MED13L: variants seen among roughly 807,000 people sequenced by gnomAD.
The protein encoded by MED13L is mediator complex subunit 13L.
A neutral mutation model predicts 220.9 loss-of-function variants in MED13L; 7 were observed. The ratio of observed to expected loss-of-function variants is 0.03; its 90% CI spans 0.02 to 0.06. MED13L has a LOEUF of 0.06. Ranked by LOEUF, MED13L falls within the 10% of genes least tolerant of loss-of-function variation. The pLI is 1.00. For missense variants in MED13L, 1,965 were observed against 2,760.5 expected, an observed-to-expected ratio of 0.71 and a Z score of 6.46; for synonymous variants, 1,011 against 1,015.2, an observed-to-expected ratio of 1.00 and a Z score of 0.08.
intron 2 of MED13L, among the ~76,000 whole-genome samples, chr12:116,133,869 G>C (rs1436075227): frequency 6.6e-6 from 1 of 152,156 alleles, no homozygotes; most frequent in Non-Finnish European, 1.5e-5. Context: ...GCCACATGTA[G>C]TTCTTCTGGC....
intron 4 of MED13L, among the ~76,000 whole-genome samples, chr12:116,079,254 G>A (rs929443199): frequency 5.3e-5 from 8 of 151,928 alleles, no homozygotes; most frequent in African/African-American, 9.7e-5. Flanking sequence ...AGATGGTCTC[G>A]CTCTGTCACC....
At chr12:116,270,602 A>C (rs1873221229) in intron 1 of MED13L, among the ~76,000 whole-genome samples, 1 of 152,226 alleles carries the variant, frequency 6.6e-6, no homozygotes, top group Non-Finnish European at 1.5e-5. Flanking sequence ...CATGCAAATG[A>C]GTCTGAATTT....
chr12:116,088,638 A>G (rs567849985), intron 4 of MED13L, among the ~76,000 whole-genome samples: 2 of 152,188 alleles, frequency 1.3e-5, no homozygotes, highest in East Asian at 1.9e-4. Context: ...GAAGTAAAGA[A>G]ATTTCAGCTT....
intron 16 of MED13L, among the ~76,000 whole-genome samples, chr12:115,992,338 C>G (rs954900725): frequency 2.6e-5 from 4 of 152,054 alleles, no homozygotes; most frequent in African/African-American, 9.7e-5. Context: ...AGTGCAGACA[C>G]TAAATTAGCT....
At chr12:116,200,087 A>T (rs988035763) in intron 2 of MED13L, among the ~76,000 whole-genome samples, 1 of 152,048 alleles carries the variant, frequency 6.6e-6, no homozygotes. Flanking sequence ...TTCAAAAAAA[A>T]AAAAAAAAGG....
chr12:116,069,705 T>C (rs1386824106), intron 4 of MED13L, among the ~76,000 whole-genome samples: 4 of 152,216 alleles, frequency 2.6e-5, no homozygotes, highest in East Asian at 1.9e-4. Flanking sequence ...CCAAAACTTT[T>C]TGAGCACCAA....
At chr12:116,114,411 G>A (rs1874347755) in intron 2 of MED13L, among the ~76,000 whole-genome samples, 1 of 152,178 alleles carries the variant, frequency 6.6e-6, no homozygotes, top group South Asian at 2.1e-4. Flanking sequence ...TTGCTGTATA[G>A]CTGACACAAT....
chr12:116,062,306 C>T (rs540042109), intron 4 of MED13L, among the ~76,000 whole-genome samples: 1 of 151,804 alleles, frequency 6.6e-6, no homozygotes, highest in Admixed American at 6.6e-5. Context: ...GCATGAATCA[C>T]CAAGACCAGC....
chr12:116,221,752 A>G (rs1032212459), intron 2 of MED13L, among the ~76,000 whole-genome samples: 19 of 152,194 alleles, frequency 1.2e-4, no homozygotes, highest in African/African-American at 4.1e-4. Flanking sequence ...TGCTTATTCT[A>G]TGTGATACTA....
chr12:116,048,715 T>G (rs1194082213), intron 4 of MED13L, among the ~76,000 whole-genome samples: 1 of 152,154 alleles, frequency 6.6e-6, no homozygotes, highest in Non-Finnish European at 1.5e-5. Flanking sequence ...AAAAATTGAC[T>G]AAGAAGTTAT....
intron 25 of MED13L, among the ~76,000 whole-genome samples, chr12:115,973,518 A>C (rs1876727867): frequency 6.6e-6 from 1 of 152,234 alleles, no homozygotes; most frequent in Non-Finnish European, 1.5e-5. Context: ...CCTTACAAAA[A>C]TCATACAAAG....
chr12:116,105,984 C>T (rs2137869719), intron 3 of MED13L, among the ~76,000 whole-genome samples: 1 of 152,346 alleles, frequency 6.6e-6, no homozygotes, highest in East Asian at 1.9e-4. Context: ...TCTGCCACTG[C>T]TCTGTGCTCT....
At chr12:116,113,608 A>T (rs1874268225) in intron 2 of MED13L, among the ~76,000 whole-genome samples, 1 of 150,100 alleles carries the variant, frequency 6.7e-6, no homozygotes, top group Non-Finnish European at 1.5e-5. Context: ...GCAAGCCATG[A>T]TCATGCCACC....
At chr12:116,240,485 C>A (rs1482698016) in intron 1 of MED13L, among the ~76,000 whole-genome samples, 2 of 150,634 alleles carry the variant, frequency 1.3e-5, no homozygotes, top group African/African-American at 4.9e-5. Flanking sequence ...AAGAAGGAAA[C>A]AAAAATAAAA....
chr12:116,119,364 C>G (rs1399734746), intron 2 of MED13L, among the ~76,000 whole-genome samples: 1 of 152,122 alleles, frequency 6.6e-6, no homozygotes, highest in Non-Finnish European at 1.5e-5. Flanking sequence ...GGTACCACAG[C>G]ATCTAGTGCT....
chr12:116,059,770 A>T (rs935784133), intron 4 of MED13L, among the ~76,000 whole-genome samples: 3 of 152,092 alleles, frequency 2.0e-5, no homozygotes, highest in African/African-American at 7.2e-5. Context: ...ATATATTTTT[A>T]AATACATATG....
intron 2 of MED13L, among the ~76,000 whole-genome samples, chr12:116,221,701 G>C (rs1165100159): frequency 6.6e-6 from 1 of 152,124 alleles, no homozygotes; most frequent in African/African-American, 2.4e-5. Context: ...ATATCATGCA[G>C]CATGAATCTG....
At chr12:116,057,241 C>T (rs1387556451) in intron 4 of MED13L, among the ~76,000 whole-genome samples, 2 of 152,088 alleles carry the variant, frequency 1.3e-5, no homozygotes, top group South Asian at 2.1e-4. Context: ...AGACAGGAGT[C>T]CCAAAGAAAC....
chr12:116,067,496 G>C (rs1486894590), intron 4 of MED13L, among the ~76,000 whole-genome samples: 1 of 152,166 alleles, frequency 6.6e-6, no homozygotes, highest in Non-Finnish European at 1.5e-5. Flanking sequence ...GTAGATGTTA[G>C]ATCTCAATAA....
Sources: allele counts gnomAD v4.1 joint callset (sites outside exome capture counted in the v4.1 genomes callset), GRCh38; gene constraint gnomAD v4.1.1; transcripts MANE v1.5; gene names NCBI Gene and HGNC (gene_info 2026-07-23, HGNC 2026-07-21).